PPP2R3B: variants seen among roughly 807,000 people sequenced by gnomAD.
PPP2R3B encodes serine/threonine-protein phosphatase 2A regulatory subunit B'' subunit beta.
In PPP2R3B, 68 loss-of-function variants were observed where a neutral mutation model predicts 72.9. The ratio of observed to expected loss-of-function variants is 0.93; its 90% CI spans 0.77 to 1.14. PPP2R3B has a LOEUF of 1.14. Among genes scored for constraint, PPP2R3B ranks in the 50% most tolerant of loss-of-function variants. PPP2R3B has a pLI of 0.00. For missense variants in PPP2R3B, 1,018 were observed against 842.0 expected, an observed-to-expected ratio of 1.21 and a Z score of -2.59; for synonymous variants, 466 against 375.8, an observed-to-expected ratio of 1.24 and a Z score of -2.78.
rs993950336 is a variant in PPP2R3B, at chrX:384,278, C to A, written c.324+2090G>T. On this transcript the variant is annotated intron_variant, in intron 1 of 12. Coordinates refer to ENST00000390665, the MANE Select transcript of PPP2R3B (RefSeq NM_013239.5). Reference sequence around the variant, plus strand: ...GCAAGAAGACTCTCTCTCTCTCTCTCTCTCTATATATATATATATACTTTT... The same window carrying A: ...GCAAGAAGACTCTCTCTCTCTCTCTATCTCTATATATATATATATACTTTT... Among the ~76,000 whole-genome samples, 391 of 148,376 alleles carry A rather than the reference C, an allele frequency of 2.6e-3. 5 individuals are homozygous for A. Among genetic ancestry groups the A allele is most frequent in the East Asian group, 0.023 (117 of 5,120 alleles).
In PPP2R3B at chrX:338,906, G is replaced by A. The variant is rs2070972642; in HGVS notation, c.1352-10C>T. On this transcript the variant is annotated splice_polypyrimidine_tract_variant and intron_variant, in intron 10 of 12. Transcript: ENST00000390665. ...TGCAGCGTGATCTTCCCTGCGGGGAGGGGAGTGCGTCCAAGGCGCGTGAGC... is the reference window on the plus strand; with the variant it reads ...TGCAGCGTGATCTTCCCTGCGGGGAAGGGAGTGCGTCCAAGGCGCGTGAGC... The A allele has an allele frequency of 1.9e-6, 3 of 1,610,120 alleles. No homozygotes were observed. The highest frequency in any genetic ancestry group is 2.5e-6 in the Non-Finnish European group (3 of 1,177,774).
chrX:341,032 C>G (rs1307029770), intron 9 of PPP2R3B, 92 bp from the exon 10 acceptor site: 3 of 1,514,696 alleles, frequency 2.0e-6, no homozygotes, highest in Non-Finnish European at 2.7e-6. Flanking sequence ...GGGGTGCACG[C>G]GTCCCCGCTG....
Position 370,563 on chromosome X carries a change from C to T in PPP2R3B, c.325-8973G>A, listed in dbSNP as rs773612624. On this transcript the variant is annotated intron_variant, in intron 1 of 12. Transcript: ENST00000390665. The stretch of plus-strand genomic sequence containing the variant: ...CCTCCCTGCGTCCACAAGCCCCTGG[C>T]GGATGCTCCTGAGCTTGGTCTTCTG... Among the ~76,000 whole-genome samples, 160 of 152,316 alleles carry T rather than the reference C, an allele frequency of 1.1e-3. 1 individual carries two copies. The highest frequency in any genetic ancestry group is 0.01 in the Middle Eastern group (3 of 294).
At chrX:347,130 G>C (rs905670565) in intron 4 of PPP2R3B, 104 bp downstream of exon 4, 4 of 1,186,272 alleles carry the variant, frequency 3.4e-6, no homozygotes, top group Non-Finnish European at 5.0e-6. Flanking sequence ...TCCCGTGAGG[G>C]ATGAGGCGTG....
chrX:378,622 G>A, intron 1 of PPP2R3B, among the ~76,000 whole-genome samples: 1 of 152,244 alleles, frequency 6.6e-6, no homozygotes, highest in East Asian at 1.9e-4. Context: ...ACAGGCTCCA[G>A]CGGATTCAAA....
At chrX:342,083 GC>G in intron 7 of PPP2R3B, 152 bp from the exon 8 acceptor site, 1 of 830,786 alleles carries the variant, frequency 1.2e-6, no homozygotes. Context: ...CCCCTGCACG[GC>G]CCATCCTAGG....
rs147272888 is a variant in PPP2R3B, at chrX:339,239, G to A, written c.1352-343C>T. ...GCAGGCAGAGGCCAGAGGGTGTCCC[G>A]GGGACACTGAGCAGCAGGAGGCGCC... is the stretch of plus-strand genomic sequence containing the variant. On this transcript the variant is annotated intron_variant, in intron 10 of 12. Coordinates refer to ENST00000390665, the MANE Select transcript of PPP2R3B (RefSeq NM_013239.5). Among the ~76,000 whole-genome samples the A allele has an allele frequency of 7.3e-3, 1,044 of 143,702 alleles. 15 individuals are homozygous for A. Among genetic ancestry groups the A allele is most frequent in the African/African-American group, 0.026 (987 of 38,624 alleles). The allele number at this position is 143,702 out of a possible 152,430, so 94.3% of individuals were successfully genotyped here. A position where few individuals can be genotyped will look rare whatever the true frequency, so the allele number is the denominator to read the frequency against.
chrX:345,537 G>A lies in PPP2R3B; in HGVS notation c.1015C>T (p.Leu339=). 1.9e-6 allele frequency: 3 copies of A among 1,613,102 alleles called. No homozygotes were observed. The highest frequency in any genetic ancestry group is 2.5e-6 in the Non-Finnish European group (3 of 1,179,536). The part of the protein sequence containing the change: ...DHDLLIDADD[L]ARHNDHALST... ...GCACCGTGGTCATTGTGCCGCGCCA[G>A]GTCGTCCGCGTCGATGAGCAGGTCG... The change falls in exon 7 of 13, where the codon CTG becomes TTG. Residue 339 remains leucine, a synonymous_variant. Transcript: ENST00000390665.
chrX:359,066 C>A (rs891760918), intron 2 of PPP2R3B, among the ~76,000 whole-genome samples: 8 of 152,182 alleles, frequency 5.3e-5, no homozygotes, highest in Non-Finnish European at 1.0e-4. Flanking sequence ...GCTGCGCGAG[C>A]GGCTTTGTAG....
rs755746174 is a variant in PPP2R3B at position 351,011 on chromosome X, C to CG, written c.511-3319dup. Among the ~76,000 whole-genome samples the CG allele has an allele frequency of 9.5e-4, 144 of 151,934 alleles. 2 individuals are homozygous for CG. Among genetic ancestry groups the CG allele is most frequent in the Admixed American group, 2.9e-3 (44 of 15,276 alleles). On this transcript the variant is annotated intron_variant, in intron 2 of 12. Transcript: ENST00000390665. Reference sequence around the variant, plus strand: ...GACAGGTGCAGGGCGGGAGTGACCACGGGGGGGCGTGGGGGACTGCAGAGG... The same window carrying CG: ...GACAGGTGCAGGGCGGGAGTGACCACGGGGGGGGCGTGGGGGACTGCAGAGG...
intron 12 of PPP2R3B, chrX:336,241 C>G (rs1254935541): frequency 6.6e-6 from 1 of 152,184 alleles, no homozygotes; most frequent in African/African-American, 2.4e-5. Flanking sequence ...ACACATGACT[C>G]GGCAAGATCT....
At chrX:342,360 C>G (rs2071101808) in intron 7 of PPP2R3B, 3 of 158,578 alleles carry the variant, frequency 1.9e-5, no homozygotes, top group Admixed American at 7.8e-5. Context: ...GGAGTGAGAC[C>G]TCAGCAACGG....
At chrX:348,136 G>A (rs958782463) in intron 2 of PPP2R3B, among the ~76,000 whole-genome samples, 20 of 152,260 alleles carry the variant, frequency 1.3e-4, no homozygotes, top group South Asian at 4.1e-4. Flanking sequence ...TTAAATACAC[G>A]CGTGAGGAAG....
At chrX:346,618 C>T (rs1459602834) in intron 5 of PPP2R3B, 83 bp downstream of exon 5, 2 of 1,358,706 alleles carry the variant, frequency 1.5e-6, no homozygotes, top group African/African-American at 1.4e-5. Flanking sequence ...CCGCCCGCCC[C>T]GTCCGCAGAA....
At chrX:352,712 C>T (rs887203538) in intron 2 of PPP2R3B, among the ~76,000 whole-genome samples, 5 of 151,806 alleles carry the variant, frequency 3.3e-5, no homozygotes, top group African/African-American at 4.8e-5. Flanking sequence ...CGTCTACAGT[C>T]GCACAGGGCA....
chrX:378,361 C>A (rs1412688629), intron 1 of PPP2R3B, among the ~76,000 whole-genome samples: 2 of 152,210 alleles, frequency 1.3e-5, no homozygotes. Context: ...TTTGTTCAGA[C>A]GGCTTGTTTT....
intron 2 of PPP2R3B, among the ~76,000 whole-genome samples, chrX:354,901 C>A (rs1296368778): frequency 6.6e-6 from 1 of 152,152 alleles, no homozygotes; most frequent in Non-Finnish European, 1.5e-5. Flanking sequence ...GGGAAGGGGC[C>A]TCCTGAGTCT....
intron 2 of PPP2R3B, among the ~76,000 whole-genome samples, chrX:349,856 G>C (rs1182010655): frequency 6.6e-6 from 1 of 152,140 alleles, no homozygotes. Context: ...CGACCTCAAC[G>C]TGGTGAGGTG....
chrX:339,174 C>T (rs191267007), intron 10 of PPP2R3B, among the ~76,000 whole-genome samples: 2,864 of 150,566 alleles, frequency 0.019, 112 homozygotes, highest in African/African-American at 0.063. Flanking sequence ...CCAGCAGGGG[C>T]GCTGCTGGAT....
Sources: allele counts gnomAD v4.1 joint callset (sites outside exome capture counted in the v4.1 genomes callset), GRCh38; gene constraint gnomAD v4.1.1; transcripts MANE v1.5; gene names NCBI Gene and HGNC (gene_info 2026-07-23, HGNC 2026-07-21).